The following SDK1 variants were observed in gnomAD, a reference collection of about 807,000 sequenced individuals.
The protein encoded by SDK1 is sidekick cell adhesion molecule 1.
In SDK1, 157 loss-of-function variants were observed where a neutral mutation model predicts 245.5. The observed-to-expected ratio is 0.64, with a 90% CI of 0.56 to 0.73. The LOEUF (loss-of-function observed/expected upper bound fraction) is 0.73. SDK1 is among the 30% of genes least tolerant of loss of function. The pLI is 0.00. For missense variants in SDK1, 3,583 were observed against 3,002.3 expected, an observed-to-expected ratio of 1.19 and a Z score of -4.52; for synonymous variants, 1,647 against 1,278.5, an observed-to-expected ratio of 1.29 and a Z score of -6.15.
chr7:3,557,630 A>C (rs1476909743), intron 1 of SDK1, among the ~76,000 whole-genome samples: 1 of 152,220 alleles, frequency 6.6e-6, no homozygotes, highest in Non-Finnish European at 1.5e-5. Context: ...TGTCAAAGAA[A>C]TCCTGGTCCC....
At position 3,923,441 on chromosome 7, in the gene SDK1, G is replaced by A. The variant is rs548099522; in HGVS notation, c.848-27482G>A. Among the ~76,000 whole-genome samples the A allele has an allele frequency of 3.3e-5, 5 of 152,242 alleles. No homozygotes were observed. The South Asian group carries it at 6.2e-4, about 19-fold the overall frequency. ...CCTTTCCCTGTTTGTTTTAATAATC[G>A]AGAAGTTGCCCGGGCTCTACTCTTC... On this transcript the variant is annotated intron_variant, in intron 5 of 44. Coordinates refer to ENST00000404826, the MANE Select transcript of SDK1 (RefSeq NM_152744.4).
chr7:4,223,291 C>T (rs967000421), intron 40 of SDK1, among the ~76,000 whole-genome samples: 1 of 152,166 alleles, frequency 6.6e-6, no homozygotes, highest in Admixed American at 6.5e-5. Flanking sequence ...TAGAATTTGG[C>T]ATTTCCTGTA....
rs372054563 is a variant in SDK1, at chr7:3,352,194, C to A, written c.298+50310C>A. Among the ~76,000 whole-genome samples, 376 of 150,020 alleles carry A rather than the reference C, an allele frequency of 2.5e-3. 4 individuals carry two copies. Among genetic ancestry groups the A allele is most frequent in the African/African-American group, 8.8e-3 (360 of 41,036 alleles). On this transcript the variant is annotated intron_variant, in intron 1 of 44. Transcript: ENST00000404826. ...AAAAAGTTTTACAAAATGGAAAAAT[C>A]TGTCACTTAAATACAAAATCACTGT...
At chr7:4,012,513 A>C (rs6973765) in intron 16 of SDK1, among the ~76,000 whole-genome samples, 36 of 119,742 alleles carry the variant, frequency 3.0e-4, no homozygotes, top group African/African-American at 1.1e-3. Context: ...AGGGGGTATT[A>C]GGGGTTGGAA....
intron 1 of SDK1, among the ~76,000 whole-genome samples, chr7:3,583,729 G>T (rs1469423983): frequency 6.6e-6 from 1 of 152,168 alleles, no homozygotes; most frequent in African/African-American, 2.4e-5. Context: ...GCATGCCACA[G>T]AAGGCATTGG....
At chr7:4,089,414 AG>A (rs1781648601) in intron 22 of SDK1, among the ~76,000 whole-genome samples, 1 of 152,238 alleles carries the variant, frequency 6.6e-6, no homozygotes, top group South Asian at 2.1e-4. Context: ...GTCCCGCCTC[AG>A]GGGGCCTCTG....
intron 1 of SDK1, among the ~76,000 whole-genome samples, chr7:3,576,378 T>A (rs1301414016): frequency 6.6e-6 from 1 of 152,064 alleles, no homozygotes; most frequent in Non-Finnish European, 1.5e-5. Flanking sequence ...GCAAGTGAGA[T>A]AAGCTGTGTG....
intron 1 of SDK1, among the ~76,000 whole-genome samples, chr7:3,593,917 T>G (rs1780969980): frequency 6.6e-6 from 1 of 152,212 alleles, no homozygotes; most frequent in Admixed American, 6.5e-5. Context: ...GCATAAACTG[T>G]TGTTTCCTAA....
At chr7:3,440,087 C>T (rs987601389) in intron 1 of SDK1, among the ~76,000 whole-genome samples, 6 of 152,014 alleles carry the variant, frequency 3.9e-5, no homozygotes, top group South Asian at 2.1e-4. Flanking sequence ...ACCTGTGGTC[C>T]GAAAACATTA....
chr7:4,027,829 A>G (rs1168414589), intron 17 of SDK1, among the ~76,000 whole-genome samples: 2 of 152,124 alleles, frequency 1.3e-5, no homozygotes, highest in Non-Finnish European at 2.9e-5. Flanking sequence ...TGTGGGCTTT[A>G]ACTGGCAGCA....
chr7:3,724,017 A>G (rs1308844286), intron 4 of SDK1, among the ~76,000 whole-genome samples: 2 of 150,768 alleles, frequency 1.3e-5, no homozygotes, highest in African/African-American at 4.9e-5. Flanking sequence ...AGGCTGGAGT[A>G]CAGTGGTGTG....
chr7:3,662,041 AT>A (rs572659449), intron 4 of SDK1, among the ~76,000 whole-genome samples: 16,765 of 125,166 alleles, frequency 0.13, 1,105 homozygotes, highest in East Asian at 0.34. Context: ...CAACGGTTGT[AT>A]TTTTTTTTTT....
At chr7:3,488,067 G>A (rs1365348845) in intron 1 of SDK1, among the ~76,000 whole-genome samples, 3 of 152,132 alleles carry the variant, frequency 2.0e-5, no homozygotes, top group Admixed American at 2.0e-4. Context: ...TTTCAAAGAA[G>A]TCTCTTGGTC....
At chr7:3,584,221 T>C (rs1780608926) in intron 1 of SDK1, among the ~76,000 whole-genome samples, 1 of 152,160 alleles carries the variant, frequency 6.6e-6, no homozygotes, top group Non-Finnish European at 1.5e-5. Flanking sequence ...GCTTTGTGAC[T>C]GTAGGAGGGG....
chr7:4,077,975 A>T (rs1489825768), intron 21 of SDK1, among the ~76,000 whole-genome samples: 1 of 152,228 alleles, frequency 6.6e-6, no homozygotes, highest in Non-Finnish European at 1.5e-5. Context: ...GCAAGTTACC[A>T]GAGTTTTCCT....
chr7:3,947,921 C>G (rs1780644416), intron 5 of SDK1, among the ~76,000 whole-genome samples: 1 of 152,026 alleles, frequency 6.6e-6, no homozygotes, highest in African/African-American at 2.4e-5. Flanking sequence ...GGGAGATTGC[C>G]TTAGGGAGAG....
chr7:4,226,548 A>G (rs572068370), intron 40 of SDK1, among the ~76,000 whole-genome samples: 3 of 152,318 alleles, frequency 2.0e-5, no homozygotes, highest in Admixed American at 1.3e-4. Context: ...AGCAGCAGCT[A>G]ATGAAATTAG....
intron 1 of SDK1, among the ~76,000 whole-genome samples, chr7:3,524,270 G>C (rs1265217795): frequency 6.6e-6 from 1 of 152,150 alleles, no homozygotes; most frequent in African/African-American, 2.4e-5. Flanking sequence ...AGCTATAGAG[G>C]ATGCTGAGTC....
At chr7:3,892,629 G>A (rs1781488531) in intron 5 of SDK1, among the ~76,000 whole-genome samples, 1 of 152,168 alleles carries the variant, frequency 6.6e-6, no homozygotes, top group Non-Finnish European at 1.5e-5. Flanking sequence ...AGAAACCCAG[G>A]AGAGAGTCAC....
Sources: allele counts gnomAD v4.1 joint callset (sites outside exome capture counted in the v4.1 genomes callset), GRCh38; gene constraint gnomAD v4.1.1; transcripts MANE v1.5; gene names NCBI Gene and HGNC (gene_info 2026-07-23, HGNC 2026-07-21).